LIFR: variants seen among roughly 807,000 people sequenced by gnomAD.
LIFR encodes leukemia inhibitory factor receptor.
LIFR carries 84 observed loss-of-function variants against 122.2 expected under a neutral mutation model. That is an observed-to-expected ratio of 0.69 (90% confidence interval 0.58 to 0.82). The LOEUF is 0.82. Among genes scored for constraint, LIFR ranks in the 40% least tolerant of loss-of-function variants. LIFR has a pLI of 0.00. For missense variants in LIFR, 1,294 were observed against 1,311.6 expected, an observed-to-expected ratio of 0.99 and a Z score of 0.21; for synonymous variants, 422 against 434.7, an observed-to-expected ratio of 0.97 and a Z score of 0.36.
intron 1 of LIFR, among the ~76,000 whole-genome samples, chr5:38,587,346 T>C (rs1749783377): frequency 6.6e-6 from 1 of 151,996 alleles, no homozygotes; most frequent in Non-Finnish European, 1.5e-5. Context: ...GCCTGGACAT[T>C]AAAAGTTATT....
chr5:38,570,697 C>T (rs1433518871), intron 1 of LIFR, among the ~76,000 whole-genome samples: 1 of 152,162 alleles, frequency 6.6e-6, no homozygotes, highest in African/African-American at 2.4e-5. Flanking sequence ...AATTAAAGGA[C>T]AAAGTTACTT....
chr5:38,576,674 G>A (rs757928584), intron 1 of LIFR, among the ~76,000 whole-genome samples: 7 of 152,194 alleles, frequency 4.6e-5, no homozygotes, highest in South Asian at 2.1e-4. Context: ...ATGTGTTAAC[G>A]TGACATTAGA....
chr5:38,578,250 A>G (rs1406396983), intron 1 of LIFR, among the ~76,000 whole-genome samples: 6 of 121,928 alleles, frequency 4.9e-5, no homozygotes, highest in Non-Finnish European at 9.8e-5. Flanking sequence ...CTTGTTGCCC[A>G]GGCTGGAGTG....
At chr5:38,547,729 C>G (rs1294165396) in intron 1 of LIFR, among the ~76,000 whole-genome samples, 2 of 152,106 alleles carry the variant, frequency 1.3e-5, no homozygotes, top group African/African-American at 2.4e-5. Flanking sequence ...GGATACAGTT[C>G]TGAGAGACGT....
chr5:38,550,283 TG>T, intron 1 of LIFR: 1 of 942,822 alleles, frequency 1.1e-6, no homozygotes, highest in Non-Finnish European at 1.3e-6. Flanking sequence ...GCTGAGCTAT[TG>T]ATAAAGCACA....
upstream of LIFR, among the ~76,000 whole-genome samples, chr5:38,561,115 A>G (rs1456660115): frequency 6.6e-6 from 1 of 152,190 alleles, no homozygotes; most frequent in East Asian, 1.9e-4. Flanking sequence ...GGAGTCCTAC[A>G]GTTTCATCAG....
At chr5:38,588,411 TG>T (rs1749817774) in intron 1 of LIFR, among the ~76,000 whole-genome samples, 1 of 152,230 alleles carries the variant, frequency 6.6e-6, no homozygotes, top group Admixed American at 6.5e-5. Context: ...ATGATGAGAC[TG>T]TCTAATCATT....
chr5:38,509,966 C>T (rs1745708354), intron 7 of LIFR, among the ~76,000 whole-genome samples: 1 of 152,094 alleles, frequency 6.6e-6, no homozygotes, highest in South Asian at 2.1e-4. Context: ...GTATGTTTCC[C>T]CTCACCCATG....
At chr5:38,506,679 T>G in intron 7 of LIFR, 47 bp from the exon 8 acceptor site, 1 of 1,502,108 alleles carries the variant, frequency 6.7e-7, no homozygotes, top group Non-Finnish European at 9.3e-7. Flanking sequence ...ATATTTTCCC[T>G]GAAAACATAA....
At chr5:38,593,826 T>C (rs1225745930) in intron 1 of LIFR, among the ~76,000 whole-genome samples, 1 of 152,066 alleles carries the variant, frequency 6.6e-6, no homozygotes, top group Non-Finnish European at 1.5e-5. Context: ...AAGAAAACGG[T>C]CCTCTAAGAA....
chr5:38,517,666 G>A (rs1362838299), intron 5 of LIFR, among the ~76,000 whole-genome samples: 1 of 151,704 alleles, frequency 6.6e-6, no homozygotes, highest in Non-Finnish European at 1.5e-5. Context: ...GACCATCCTG[G>A]CTAACACGGT....
intron 15 of LIFR, 85 bp downstream of exon 15, chr5:38,490,105 T>A (rs997136011): frequency 5.4e-6 from 3 of 553,442 alleles, no homozygotes; most frequent in Non-Finnish European, 9.7e-6. Flanking sequence ...CATCTTATTT[T>A]TAGAATTCAA....
intron 5 of LIFR, among the ~76,000 whole-genome samples, chr5:38,519,916 T>C (rs937446006): frequency 2.0e-5 from 3 of 152,222 alleles, no homozygotes; most frequent in Admixed American, 2.0e-4. Context: ...TTGTGAATAG[T>C]GGCATGATAA....
rs941178577 is a variant in LIFR at position 38,527,310 on chromosome 5, G to A, written c.258-16C>T. ...AGAACGGGACCTGTAATAAGAAATT[G>A]AATTTTAATTAGCAAATAAAATTAA... On this transcript the variant is annotated splice_polypyrimidine_tract_variant and intron_variant, in intron 3 of 19. Transcript: ENST00000453190. 2.0e-6 allele frequency: 3 copies of A among 1,500,502 alleles called. No homozygotes were observed. The African/African-American group carries it at 4.1e-5, about 21-fold the overall frequency. 92.9% of individuals were successfully genotyped at this position (1,500,502 alleles called of 1,614,324 possible).
intron 1 of LIFR, among the ~76,000 whole-genome samples, chr5:38,555,382 A>G (rs548636346): frequency 1.3e-5 from 2 of 152,178 alleles, no homozygotes; most frequent in South Asian, 2.1e-4. Context: ...GTTTGCCTTA[A>G]ATTTAATTTC....
intron 4 of LIFR, 77 bp downstream of exon 4, chr5:38,527,078 A>T: frequency 1.5e-6 from 2 of 1,352,712 alleles, no homozygotes; most frequent in East Asian, 5.0e-5. Flanking sequence ...ATGAAATTCA[A>T]AAAACTAGAA....
At chr5:38,597,237 C>T (rs374809857), upstream of LIFR, among the ~76,000 whole-genome samples, 24 of 152,304 alleles carry the variant, frequency 1.6e-4, no homozygotes, top group East Asian at 9.7e-4. Flanking sequence ...AGCCTTGGTC[C>T]AGACAAGATT....
intron 1 of LIFR, among the ~76,000 whole-genome samples, chr5:38,587,414 G>A (rs1200793227): frequency 1.3e-5 from 2 of 151,628 alleles, no homozygotes; most frequent in African/African-American, 4.8e-5. Flanking sequence ...AGGCAGATGA[G>A]ACAAGATGCT....
chr5:38,521,242 T>C (rs1746381222), intron 5 of LIFR, among the ~76,000 whole-genome samples: 1 of 152,228 alleles, frequency 6.6e-6, no homozygotes, highest in African/African-American at 2.4e-5. Flanking sequence ...TATTAGCATA[T>C]AGAAACACTT....
Sources: gnomAD v4.1 joint callset for allele counts (sites outside exome capture counted in the v4.1 genomes callset) on GRCh38, gnomAD v4.1.1 for gene constraint, MANE v1.5 for transcripts, NCBI Gene and HGNC (gene_info 2026-07-23, HGNC 2026-07-21) for gene names.